The following VTI1A variants were observed in gnomAD, a reference collection of about 807,000 sequenced individuals.
VTI1A encodes vesicle transport through interaction with t-SNAREs 1A.
Under a neutral mutation model 34.9 loss-of-function variants are expected in VTI1A, and 22 were observed. That is an observed-to-expected ratio of 0.63 (90% CI 0.45 to 0.90). The LOEUF (loss-of-function observed/expected upper bound fraction) is 0.90. Ranked by LOEUF, VTI1A falls within the 40% of genes least tolerant of loss-of-function variation. VTI1A has a pLI of 0.00. For missense variants in VTI1A, 268 were observed against 275.6 expected, an observed-to-expected ratio of 0.97 and a Z score of 0.20; for synonymous variants, 87 against 97.3, an observed-to-expected ratio of 0.89 and a Z score of 0.62.
At chr10:112,698,254 A>C (rs1006477222) in intron 7 of VTI1A, among the ~76,000 whole-genome samples, 1 of 152,196 alleles carries the variant, frequency 6.6e-6, no homozygotes. Flanking sequence ...TCTGTGGGCT[A>C]TGCGGCTTCT....
chr10:112,507,077 T>C lies in VTI1A; in HGVS notation c.265-20010T>C, dbSNP rs143429307. On this transcript the variant is annotated intron_variant, in intron 3 of 7. Coordinates refer to ENST00000393077, the MANE Select transcript of VTI1A (RefSeq NM_145206.4). ...TGGCTTTTTTGGTTTTGAATAAAGT[T>C]TTACTTTTGTTTCAGGTGTCCAGAA... Among the ~76,000 whole-genome samples the C allele has an allele frequency of 4.9e-4, 75 of 152,200 alleles. 6 individuals are homozygous for C. In the East Asian group the frequency reaches 0.014, roughly 29 times the overall value.
chr10:112,460,253 C>A (rs1276027744), intron 1 of VTI1A, among the ~76,000 whole-genome samples: 1 of 152,104 alleles, frequency 6.6e-6, no homozygotes, highest in Middle Eastern at 3.2e-3. Context: ...TCCTAAAGGG[C>A]AACATAATTT....
At chr10:112,538,124 G>A in intron 4 of VTI1A, 122 bp from the exon 5 acceptor site, 1 of 729,142 alleles carries the variant, frequency 1.4e-6, no homozygotes, top group Non-Finnish European at 2.3e-6. Flanking sequence ...AAAATTAACT[G>A]TAATGGGTTG....
chr10:112,560,636 C>T (rs1383730375), intron 5 of VTI1A, among the ~76,000 whole-genome samples: 3 of 140,174 alleles, frequency 2.1e-5, no homozygotes, highest in Non-Finnish European at 4.5e-5. Context: ...CTCACTCTGT[C>T]GCCAGTCTGG....
chr10:112,707,521 A>C (rs947913486), intron 7 of VTI1A, among the ~76,000 whole-genome samples: 2 of 151,956 alleles, frequency 1.3e-5, no homozygotes, highest in Non-Finnish European at 2.9e-5. Context: ...TTTAGTAGAG[A>C]CAGGGTTTCA....
At chr10:112,679,390 T>C (rs902572421) in intron 7 of VTI1A, among the ~76,000 whole-genome samples, 1 of 152,232 alleles carries the variant, frequency 6.6e-6, no homozygotes, top group Non-Finnish European at 1.5e-5. Flanking sequence ...TAAATTGTGA[T>C]GTTTGACCAC....
intron 5 of VTI1A, among the ~76,000 whole-genome samples, chr10:112,616,864 CAGAG>C (rs1456112550): frequency 6.6e-6 from 1 of 151,982 alleles, no homozygotes; most frequent in Admixed American, 6.5e-5. Flanking sequence ...CAGAATGCAA[CAGAG>C]AGAGAAAATA....
chr10:112,792,630 T>G (rs1852523162), intron 7 of VTI1A, among the ~76,000 whole-genome samples: 1 of 152,174 alleles, frequency 6.6e-6, no homozygotes, highest in Non-Finnish European at 1.5e-5. Flanking sequence ...TCTTCAAAAA[T>G]CTGACTCATA....
intron 7 of VTI1A, 145 bp from the exon 8 acceptor site, chr10:112,815,145 A>G (rs994753467): frequency 1.0e-4 from 44 of 433,164 alleles, no homozygotes; most frequent in Non-Finnish European, 1.4e-4. Context: ...GCGCGCACAC[A>G]CACACACACA....
intron 5 of VTI1A, among the ~76,000 whole-genome samples, chr10:112,633,881 C>T (rs1267281792): frequency 1.3e-5 from 2 of 150,966 alleles, no homozygotes; most frequent in Non-Finnish European, 2.9e-5. Flanking sequence ...TCATGACTCA[C>T]TCCAGAAAAT....
chr10:112,685,024 A>G (rs1848356980), intron 7 of VTI1A, among the ~76,000 whole-genome samples: 1 of 152,110 alleles, frequency 6.6e-6, no homozygotes, highest in South Asian at 2.1e-4. Context: ...AGAAAAATAG[A>G]CCAATTTATG....
At chr10:112,682,012 T>G (rs1161957666) in intron 7 of VTI1A, among the ~76,000 whole-genome samples, 1 of 152,232 alleles carries the variant, frequency 6.6e-6, no homozygotes. Flanking sequence ...GCATTCATTT[T>G]CTATTCTGTA....
chr10:112,811,545 G>A (rs1415952567), intron 7 of VTI1A, among the ~76,000 whole-genome samples: 3 of 152,032 alleles, frequency 2.0e-5, no homozygotes, highest in South Asian at 2.1e-4. Context: ...TTAGCCGGGC[G>A]TGGTGGCGGG....
intron 5 of VTI1A, among the ~76,000 whole-genome samples, chr10:112,650,279 C>G (rs1021858199): frequency 6.6e-6 from 1 of 152,052 alleles, no homozygotes; most frequent in African/African-American, 2.4e-5. Context: ...CAAACACATA[C>G]ATTAACCTAA....
chr10:112,814,133 AT>A (rs1395617910), intron 7 of VTI1A, among the ~76,000 whole-genome samples: 1 of 152,122 alleles, frequency 6.6e-6, no homozygotes, highest in African/African-American at 2.4e-5. Context: ...CCCTGCAAAG[AT>A]TTTTTTGTGT....
intron 7 of VTI1A, among the ~76,000 whole-genome samples, chr10:112,697,908 ATTCTT>A (rs1472412018): frequency 8.8e-6 from 1 of 114,050 alleles, no homozygotes; most frequent in East Asian, 2.4e-4. Context: ...GTGTGTGTGT[ATTCTT>A]TTCTTCACCC....
chr10:112,508,828 C>T (rs915363104), intron 3 of VTI1A, among the ~76,000 whole-genome samples: 6 of 152,112 alleles, frequency 3.9e-5, no homozygotes, highest in Non-Finnish European at 7.4e-5. Flanking sequence ...AGGGACAGAG[C>T]CAAAGGGTGA....
chr10:112,848,372 A>G, the VTI1A span, among the ~76,000 whole-genome samples: 7 of 152,338 alleles, frequency 4.6e-5, no homozygotes, highest in Non-Finnish European at 7.3e-5. Context: ...GGGATAGGCA[A>G]CGATGACTAG....
intron 5 of VTI1A, among the ~76,000 whole-genome samples, chr10:112,549,598 G>GA (rs754723839): frequency 2.0e-5 from 3 of 152,056 alleles, no homozygotes; most frequent in African/African-American, 7.2e-5. Flanking sequence ...ATATTTTAGA[G>GA]AAAAAATTGT....
Sources: allele counts gnomAD v4.1 joint callset (sites outside exome capture counted in the v4.1 genomes callset), GRCh38; gene constraint gnomAD v4.1.1; transcripts MANE v1.5; gene names NCBI Gene and HGNC (gene_info 2026-07-23, HGNC 2026-07-21).